JARID2: variants seen among roughly 807,000 people sequenced by gnomAD.
JARID2 encodes protein Jumonji.
Under a neutral mutation model 125.6 loss-of-function variants are expected in JARID2, and 21 were observed. That is an observed-to-expected ratio of 0.17 (90% CI 0.12 to 0.24). The LOEUF is 0.24. JARID2 is among the 10% of genes least tolerant of loss of function. The pLI is 1.00. For synonymous variants in JARID2, 736 were observed against 661.6 expected, an observed-to-expected ratio of 1.11 and a Z score of -1.73; for missense variants, 1,303 against 1,639.6, an observed-to-expected ratio of 0.79 and a Z score of 3.55.
chr6:15,276,458 A>C (rs1581356443), intron 1 of JARID2, among the ~76,000 whole-genome samples: 1 of 152,346 alleles, frequency 6.6e-6, no homozygotes, highest in East Asian at 1.9e-4. Flanking sequence ...CATACTGAGC[A>C]CTGGGAGAGC....
At chr6:15,421,117 G>A (rs1766469760) in intron 3 of JARID2, among the ~76,000 whole-genome samples, 2 of 152,056 alleles carry the variant, frequency 1.3e-5, no homozygotes, top group Non-Finnish European at 2.9e-5. Context: ...CCCCGGCTCT[G>A]CTTGCCCTTT....
intron 4 of JARID2, among the ~76,000 whole-genome samples, chr6:15,465,393 G>A (rs1386273464): frequency 6.6e-6 from 1 of 152,250 alleles, no homozygotes; most frequent in Non-Finnish European, 1.5e-5. Flanking sequence ...CGAGGCTGTA[G>A]TGAGTCATGA....
chr6:15,348,658 G>A (rs1763327048), intron 1 of JARID2, among the ~76,000 whole-genome samples: 1 of 151,906 alleles, frequency 6.6e-6, no homozygotes, highest in African/African-American at 2.4e-5. Context: ...CTTTCTTCTC[G>A]AGTATAAAAA....
intron 2 of JARID2, among the ~76,000 whole-genome samples, chr6:15,401,553 CCTTT>C (rs1765435333): frequency 6.6e-6 from 1 of 152,150 alleles, no homozygotes; most frequent in Non-Finnish European, 1.5e-5. Flanking sequence ...TTCCATTAAT[CCTTT>C]CTTTTTCTTC....
intron 2 of JARID2, among the ~76,000 whole-genome samples, chr6:15,392,475 G>T (rs994634773): frequency 6.6e-6 from 1 of 152,014 alleles, no homozygotes; most frequent in African/African-American, 2.4e-5. Context: ...TGAGGAGGGG[G>T]TTCTAAGCTT....
At chr6:15,395,750 T>C (rs4109434) in intron 2 of JARID2, among the ~76,000 whole-genome samples, 86,718 of 151,738 alleles carry the variant, frequency 0.57, 24,994 homozygotes, top group South Asian at 0.66. Flanking sequence ...CTGCAGTGTT[T>C]GTCTCTTGGG....
At chr6:15,310,104 G>A (rs953855977) in intron 1 of JARID2, among the ~76,000 whole-genome samples, 3 of 152,148 alleles carry the variant, frequency 2.0e-5, no homozygotes, top group Non-Finnish European at 2.9e-5. Flanking sequence ...GGCTGGATGG[G>A]CTGGGGCTGG....
In JARID2 at chr6:15,246,230, T is replaced by G; in HGVS notation, c.-310T>G. The G allele has an allele frequency of 8.9e-6, 4 of 448,086 alleles. No individual in the cohort carries two copies. Among genetic ancestry groups the G allele is most frequent in the Non-Finnish European group, 1.2e-5 (3 of 256,752 alleles). The allele number at this position is 448,086 out of a possible 1,614,324, so 27.8% of individuals were successfully genotyped here. A position where few individuals can be genotyped will look rare whatever the true frequency, so the allele number is the denominator to read the frequency against. On this transcript the variant is annotated 5_prime_UTR_variant, in exon 1 of 18. Transcript: ENST00000341776. The stretch of plus-strand genomic sequence containing the variant: ...TTTTTGGAGGAAAAAGGGGGGGGAG[T>G]GAAGGGCGTCGGTTTTTTTTTGTGT...
chr6:15,468,927 G>C (rs1475567240), intron 5 of JARID2, among the ~76,000 whole-genome samples: 1 of 152,162 alleles, frequency 6.6e-6, no homozygotes, highest in Non-Finnish European at 1.5e-5. Context: ...TGATGATGTG[G>C]AGATGATGGT....
At chr6:15,517,353 A>C in intron 17 of JARID2, 85 bp downstream of exon 17, 1 of 927,386 alleles carries the variant, frequency 1.1e-6, no homozygotes, top group Non-Finnish European at 1.8e-6. Flanking sequence ...CCGGCCTGGC[A>C]GTTCTGTGCC....
At chr6:15,267,008 G>A (rs1487403189) in intron 1 of JARID2, among the ~76,000 whole-genome samples, 1 of 152,172 alleles carries the variant, frequency 6.6e-6, no homozygotes, top group African/African-American at 2.4e-5. Flanking sequence ...GCACAACTGT[G>A]CCCCTTTCAT....
chr6:15,477,374 A>C (rs2127697602), intron 5 of JARID2, among the ~76,000 whole-genome samples: 1 of 151,902 alleles, frequency 6.6e-6, no homozygotes. Context: ...GTAACAGACA[A>C]ATGCCGCCTC....
chr6:15,380,283 C>T (rs1358243777), intron 2 of JARID2, among the ~76,000 whole-genome samples: 1 of 152,086 alleles, frequency 6.6e-6, no homozygotes, highest in African/African-American at 2.4e-5. Context: ...GATCTGCCCA[C>T]GTCGGCTTCC....
intron 2 of JARID2, among the ~76,000 whole-genome samples, chr6:15,401,396 C>A (rs184187632): frequency 5.3e-5 from 8 of 152,302 alleles, no homozygotes; most frequent in African/African-American, 1.9e-4. Flanking sequence ...AGACTGAATG[C>A]CATCCAGCTA....
intron 1 of JARID2, among the ~76,000 whole-genome samples, chr6:15,354,869 G>T (rs761686295): frequency 1.3e-5 from 2 of 152,210 alleles, no homozygotes; most frequent in Admixed American, 6.5e-5. Flanking sequence ...GTTGGTCAGA[G>T]AAGGCTTTGA....
At chr6:15,356,858 T>C (rs1460373838) in intron 1 of JARID2, among the ~76,000 whole-genome samples, 2 of 151,944 alleles carry the variant, frequency 1.3e-5, no homozygotes, top group African/African-American at 4.8e-5. Context: ...CTATTAAAAA[T>C]ACAACATTAC....
chr6:15,324,306 A>G (rs1340269086), intron 1 of JARID2: 1 of 151,826 alleles, frequency 6.6e-6, no homozygotes, highest in African/African-American at 2.4e-5. Context: ...TGGAAGGATT[A>G]TCTCTTGTGT....
chr6:15,358,917 A>AC (rs1268700180), intron 1 of JARID2, among the ~76,000 whole-genome samples: 1 of 152,188 alleles, frequency 6.6e-6, no homozygotes, highest in Non-Finnish European at 1.5e-5. Flanking sequence ...CACAGGCCAT[A>AC]CCCCAACCAG....
At chr6:15,429,090 A>G (rs1470722180) in intron 3 of JARID2, among the ~76,000 whole-genome samples, 2 of 152,112 alleles carry the variant, frequency 1.3e-5, no homozygotes, top group Non-Finnish European at 2.9e-5. Context: ...AGGAATAGGT[A>G]GTCTTTGCTT....
Sources: allele counts gnomAD v4.1 joint callset (sites outside exome capture counted in the v4.1 genomes callset), GRCh38; gene constraint gnomAD v4.1.1; transcripts MANE v1.5; gene names NCBI Gene and HGNC (gene_info 2026-07-23, HGNC 2026-07-21).